Variants in RPS24 observed in about 807,000 individuals in gnomAD.
RPS24 encodes small ribosomal subunit protein eS24.
For missense variants in RPS24, 100 were observed against 162.5 expected (o/e 0.62, Z 2.09); for synonymous variants, 72 against 55.6 (o/e 1.30, Z -1.31).
downstream of RPS24, among the ~76,000 whole-genome samples, chr10:78,045,422 C>G (rs1848033322): frequency 6.6e-6 from 1 of 152,158 alleles, no homozygotes; most frequent in African/African-American, 2.4e-5. Flanking sequence ...TATTTCCCTC[C>G]CTGTGTCTGT....
downstream of RPS24, among the ~76,000 whole-genome samples, chr10:78,045,033 G>T (rs555702515): frequency 6.6e-6 from 1 of 151,956 alleles, no homozygotes; most frequent in Non-Finnish European, 1.5e-5. Context: ...TTGTTGCCCC[G>T]GCTGGAGTGC....
intron 4 of RPS24, chr10:78,039,189 A>G (rs1023229125): frequency 3.9e-5 from 6 of 152,200 alleles, no homozygotes; most frequent in African/African-American, 1.4e-4. Flanking sequence ...CTCACTAAGA[A>G]CTACTCCCTG....
At position 78,055,256 on chromosome 10, in the gene RPS24, A is replaced by C. The variant is rs751662641; in HGVS notation, c.*246A>C. The C allele has an allele frequency of 3.5e-4, 152 of 428,550 alleles. 1 individual carries two copies. The highest frequency in any genetic ancestry group is 5.4e-4 in the Non-Finnish European group (138 of 256,304). 26.5% of individuals were successfully genotyped at this position (428,550 alleles called of 1,614,324 possible). On this transcript the variant is annotated 3_prime_UTR_variant, in exon 5 of 5. Coordinates refer to the RPS24 transcript ENST00000440692. The stretch of plus-strand genomic sequence containing the variant: ...TTCCAGCTCCAGCGGCTCCTACCAC[A>C]TTTAAGGCTTTCCTTCCTAGTTTTA...
chr10:78,037,325 TATAGAAAC>T, intron 4 of RPS24, 21 bp downstream of exon 4: 3 of 1,575,080 alleles, frequency 1.9e-6, no homozygotes, highest in Non-Finnish European at 2.6e-6. Context: ...TTAAGGAAAA[TATAGAAAC>T]GTCATTAATT....
At chr10:78,038,053 G>A in intron 4 of RPS24, 2 of 997,944 alleles carry the variant, frequency 2.0e-6, no homozygotes, top group Non-Finnish European at 2.7e-6. Context: ...TGCTTTGCAT[G>A]TTGGCCTTTG....
intron 4 of RPS24, 138 bp from the exon 5 acceptor site, chr10:78,040,066 A>G: frequency 1.3e-6 from 1 of 798,732 alleles, no homozygotes; most frequent in Non-Finnish European, 2.2e-6. Flanking sequence ...ATACAATTGC[A>G]AAGAACAAAA....
At chr10:78,054,557 A>T (rs986740648) in exon 5 of RPS24, 30 of 1,545,856 alleles carry the variant, frequency 1.9e-5, no homozygotes, top group Non-Finnish European at 6.1e-6. Context: ...TTGGAGTGCA[A>T]GCATTGGGAA....
chr10:78,041,927 C>G (rs1847990178), downstream of RPS24, among the ~76,000 whole-genome samples: 2 of 152,170 alleles, frequency 1.3e-5, no homozygotes, highest in Admixed American at 1.3e-4. Context: ...TTCAGCTGTG[C>G]TCAGGGCAGA....
intron 1 of RPS24, 78 bp downstream of exon 1, chr10:78,033,982 T>A: frequency 1.3e-6 from 2 of 1,565,862 alleles, no homozygotes; most frequent in South Asian, 1.1e-5. Flanking sequence ...GTACTTGAGC[T>A]ATAGGCACGC....
At chr10:78,046,820 C>T (rs1848048478) in intron 4 of RPS24, among the ~76,000 whole-genome samples, 1 of 152,168 alleles carries the variant, frequency 6.6e-6, no homozygotes, top group South Asian at 2.1e-4. Flanking sequence ...AGAAATGGTC[C>T]TGAGCCTTAA....
rs760644220 is a variant in RPS24 at position 78,035,716 on chromosome 10, C to A, written c.275C>A (p.Ala92Glu). 3 of 1,598,310 alleles carry A rather than the reference C, an allele frequency of 1.9e-6. No individual in the cohort carries two copies. The highest frequency in any genetic ancestry group is 1.3e-5 in the African/African-American group (1 of 74,996). Residue 92 changes from alanine (A) to glutamate (E), a missense_variant, in exon 3 of 6, where the codon GCA (alanine) becomes GAA (glutamate). Physicochemically the swap from Ala to Glu is moderately radical, Grantham distance 107. Coordinates refer to ENST00000372360, the MANE Select transcript of RPS24 (RefSeq NM_033022.4). The part of the protein sequence containing the change: ...AKKNEPKHRL[A>E]RHGLYEKKKT... ...AAAAATGAACCCAAACATAGACTTG[C>A]AAGAGTAGGTGTCTTTTCATTTGTT...
chr10:78,044,799 T>C (rs11002388), downstream of RPS24, among the ~76,000 whole-genome samples: 4,652 of 149,636 alleles, frequency 0.031, 281 homozygotes, highest in African/African-American at 0.11. Flanking sequence ...AGGATTTCAC[T>C]TGTTCAGTGT....
At position 78,037,203 on chromosome 10, in the gene RPS24, T is replaced by C; in HGVS notation, c.289T>C (p.Tyr97His). 6.2e-7 allele frequency: 1 copy of C among 1,602,912 alleles called. No homozygotes were observed. Among genetic ancestry groups the C allele is most frequent in the Non-Finnish European group, 8.5e-7 (1 of 1,175,078 alleles). The change falls in exon 4 of 6, where the codon TAT becomes CAT. Residue 97 changes from tyrosine (Y) to histidine (H), a missense_variant. Transcript: ENST00000372360. ...CTCTTTTCTCATTCAGCATGGCCTG[T>C]ATGAGAAGAAAAAGACCTCAAGAAA... is the stretch of plus-strand genomic sequence containing the variant. ...PKHRLARHGL[Y>H]EKKKTSRKQR...
chr10:78,050,369 T>C (rs1328942939), intron 4 of RPS24, among the ~76,000 whole-genome samples: 1 of 152,196 alleles, frequency 6.6e-6, no homozygotes, highest in Non-Finnish European at 1.5e-5. Context: ...GAGCACCTGC[T>C]GGGAAGGTTT....
At chr10:78,042,325 A>G (rs1241890321), downstream of RPS24, among the ~76,000 whole-genome samples, 4 of 151,998 alleles carry the variant, frequency 2.6e-5, no homozygotes, top group East Asian at 1.9e-4. Context: ...AGTCCATCCA[A>G]GTGTTTTTTG....
intron 4 of RPS24, 30 bp from the exon 5 acceptor site, chr10:78,040,174 C>G: frequency 6.3e-7 from 1 of 1,586,322 alleles, no homozygotes; most frequent in Non-Finnish European, 8.6e-7. Context: ...TCCCTCCTTT[C>G]TCTTTTTCCC....
chr10:78,046,427 C>T (rs1385838801), intron 4 of RPS24, among the ~76,000 whole-genome samples: 1 of 147,218 alleles, frequency 6.8e-6, no homozygotes, highest in African/African-American at 2.6e-5. Flanking sequence ...GGCGCAATCT[C>T]AGCTCACTGC....
downstream of RPS24, among the ~76,000 whole-genome samples, chr10:78,042,941 A>G (rs2131987476): frequency 6.6e-6 from 1 of 152,202 alleles, no homozygotes; most frequent in South Asian, 2.1e-4. Context: ...GCTCTCATGG[A>G]GCCGAAACAG....
chr10:78,047,885 G>A (rs559269780), intron 4 of RPS24, among the ~76,000 whole-genome samples: 61 of 152,302 alleles, frequency 4.0e-4, no homozygotes, highest in African/African-American at 1.3e-3. Context: ...GCATGGGTCC[G>A]GGGCCACAGT....
Sources: gnomAD v4.1 joint callset for allele counts (sites outside exome capture counted in the v4.1 genomes callset) on GRCh38, gnomAD v4.1.1 for gene constraint, MANE v1.5 for transcripts, NCBI Gene and HGNC (gene_info 2026-07-23, HGNC 2026-07-21) for gene names.